The following CSMD1 variants were observed in gnomAD, a reference collection of about 807,000 sequenced individuals.
CSMD1 encodes CUB and Sushi multiple domains 1.
CSMD1 carries 213 observed loss-of-function variants against 417.5 expected under a neutral mutation model. The observed-to-expected ratio is 0.51, with a 90% CI of 0.46 to 0.57. The LOEUF is 0.57. CSMD1 is among the 20% of genes least tolerant of loss of function. The pLI, the probability that CSMD1 is intolerant of heterozygous loss-of-function variation, is 0.00. For missense variants in CSMD1, 6,923 were observed against 4,529.7 expected, an observed-to-expected ratio of 1.53 and a Z score of -15.17; for synonymous variants, 2,862 against 1,736.8, an observed-to-expected ratio of 1.65 and a Z score of -16.11.
chr8:4,157,264 G>A (rs894701082), intron 3 of CSMD1, among the ~76,000 whole-genome samples: 1 of 152,202 alleles, frequency 6.6e-6, no homozygotes, highest in Admixed American at 6.5e-5. Context: ...TCTACATCCT[G>A]TCTGTGACTA....
chr8:3,899,187 G>T (rs983853516), intron 5 of CSMD1, among the ~76,000 whole-genome samples: 2 of 152,216 alleles, frequency 1.3e-5, no homozygotes, highest in African/African-American at 4.8e-5. Context: ...GCCTAGGACA[G>T]GAGGCCAATC....
intron 5 of CSMD1, among the ~76,000 whole-genome samples, chr8:3,872,441 A>T (rs1372196279): frequency 6.6e-6 from 1 of 152,186 alleles, no homozygotes; most frequent in African/African-American, 2.4e-5. Flanking sequence ...GCATTATCCG[A>T]AGCCCACTGT....
intron 7 of CSMD1, among the ~76,000 whole-genome samples, chr8:3,690,946 G>T (rs1800203545): frequency 6.6e-6 from 1 of 151,914 alleles, no homozygotes; most frequent in South Asian, 2.1e-4. Flanking sequence ...GTAAAAGTCG[G>T]CCCCATGATT....
chr8:4,225,761 C>T (rs1335789274), intron 3 of CSMD1, among the ~76,000 whole-genome samples: 1 of 152,020 alleles, frequency 6.6e-6, no homozygotes, highest in Non-Finnish European at 1.5e-5. Context: ...TCAATGGGGC[C>T]AATCTATTCA....
At chr8:4,238,502 C>T (rs1340471545) in intron 3 of CSMD1, among the ~76,000 whole-genome samples, 1 of 152,164 alleles carries the variant, frequency 6.6e-6, no homozygotes, top group Non-Finnish European at 1.5e-5. Context: ...TAAGAGGTGA[C>T]TAGAGGCACA....
chr8:4,103,265 T>TA (rs1554449716), intron 3 of CSMD1, among the ~76,000 whole-genome samples: 3 of 150,092 alleles, frequency 2.0e-5, no homozygotes, highest in East Asian at 2.0e-4. Context: ...TATACATACA[T>TA]TATATATATC....
chr8:4,138,330 T>C (rs147114040), intron 3 of CSMD1, among the ~76,000 whole-genome samples: 11,915 of 96,468 alleles, frequency 0.12, 2,848 homozygotes, highest in Non-Finnish European at 0.19. Flanking sequence ...GATTTACACA[T>C]TTGAGTTGTG....
intron 23 of CSMD1, among the ~76,000 whole-genome samples, chr8:3,329,852 T>G (rs561200345): frequency 6.6e-6 from 1 of 152,312 alleles, no homozygotes; most frequent in South Asian, 2.1e-4. Flanking sequence ...CAGGGCACAG[T>G]GCCTATGGCC....
chr8:3,091,439 T>C, intron 48 of CSMD1, 77 bp downstream of exon 48: 7 of 1,082,922 alleles, frequency 6.5e-6, no homozygotes, highest in Middle Eastern at 3.1e-4. Flanking sequence ...TATAAATTTC[T>C]ATTTAAATTG....
At chr8:3,283,379 C>T (rs1055065076) in intron 26 of CSMD1, among the ~76,000 whole-genome samples, 2 of 152,098 alleles carry the variant, frequency 1.3e-5, no homozygotes, top group African/African-American at 2.4e-5. Flanking sequence ...TAGAGACCCA[C>T]ACCTGTCTTG....
At chr8:4,626,068 C>A (rs764804027) in intron 2 of CSMD1, among the ~76,000 whole-genome samples, 2 of 152,114 alleles carry the variant, frequency 1.3e-5, no homozygotes, top group African/African-American at 4.8e-5. Flanking sequence ...CTTGTAAGAA[C>A]TGACATTACA....
chr8:4,921,251 G>A (rs957153883), intron 1 of CSMD1, among the ~76,000 whole-genome samples: 3 of 152,100 alleles, frequency 2.0e-5, no homozygotes, highest in Non-Finnish European at 2.9e-5. Context: ...ACCAGCCAGA[G>A]GCAACATTTA....
intron 18 of CSMD1, among the ~76,000 whole-genome samples, chr8:3,373,034 C>G (rs1810072909): frequency 1.3e-5 from 2 of 152,136 alleles, no homozygotes; most frequent in Non-Finnish European, 2.9e-5. Context: ...AGACGATCAC[C>G]ATAATGAATG....
intron 3 of CSMD1, among the ~76,000 whole-genome samples, chr8:4,078,071 G>C (rs1197247816): frequency 6.6e-6 from 1 of 152,084 alleles, no homozygotes; most frequent in African/African-American, 2.4e-5. Flanking sequence ...ATGTTTGTAA[G>C]AAATGCCTAC....
chr8:3,749,345 G>T (rs149471530), intron 6 of CSMD1, among the ~76,000 whole-genome samples: 2 of 152,048 alleles, frequency 1.3e-5, no homozygotes, highest in Non-Finnish European at 2.9e-5. Flanking sequence ...TACTACTTTT[G>T]TTCACAATGT....
intron 1 of CSMD1, among the ~76,000 whole-genome samples, chr8:4,950,116 T>A (rs199761096): frequency 0.039 from 5,167 of 133,196 alleles, 286 homozygotes; most frequent in African/African-American, 0.13. Context: ...ATGTTTCATA[T>A]GATAAGATTT....
chr8:4,862,525 A>C (rs916915769), intron 1 of CSMD1, among the ~76,000 whole-genome samples: 1 of 152,104 alleles, frequency 6.6e-6, no homozygotes, highest in Non-Finnish European at 1.5e-5. Context: ...GTTTGGACGA[A>C]GAAGAGTAGT....
intron 3 of CSMD1, among the ~76,000 whole-genome samples, chr8:4,078,279 C>T (rs1256831441): frequency 2.0e-5 from 3 of 151,036 alleles, no homozygotes; most frequent in African/African-American, 4.9e-5. Flanking sequence ...TAATGCAGAC[C>T]TAACTGTGCC....
chr8:4,271,006 T>C (rs1011877046), intron 3 of CSMD1, among the ~76,000 whole-genome samples: 1 of 152,178 alleles, frequency 6.6e-6, no homozygotes, highest in Non-Finnish European at 1.5e-5. Flanking sequence ...TAAATTGTTA[T>C]GAGAGCAGGT....
Sources: gnomAD v4.1 joint callset for allele counts (sites outside exome capture counted in the v4.1 genomes callset) on GRCh38, gnomAD v4.1.1 for gene constraint, MANE v1.5 for transcripts, NCBI Gene and HGNC (gene_info 2026-07-23, HGNC 2026-07-21) for gene names.